Variants in NEMF observed in about 807,000 individuals in gnomAD.
NEMF encodes the protein nuclear export mediator factor.
A neutral mutation model predicts 162.2 loss-of-function variants in NEMF; 89 were observed. The observed-to-expected ratio is 0.55, with a 90% CI of 0.46 to 0.65. The LOEUF is 0.65. Among genes scored for constraint, NEMF ranks in the 30% least tolerant of loss-of-function variants. The pLI, the probability that NEMF is intolerant of heterozygous loss-of-function variation, is 0.00. For missense variants in NEMF, 1,133 were observed against 1,261.9 expected, an observed-to-expected ratio of 0.90 and a Z score of 1.55; for synonymous variants, 421 against 404.5, an observed-to-expected ratio of 1.04 and a Z score of -0.49.
intron 16 of NEMF, among the ~76,000 whole-genome samples, chr14:49,818,762 A>G (rs1486470765): frequency 6.6e-6 from 1 of 152,024 alleles, no homozygotes; most frequent in East Asian, 1.9e-4. Context: ...CTCTCAGCCT[A>G]TTATTTCCAC....
chr14:49,842,678 G>C (rs547288997), intron 4 of NEMF, among the ~76,000 whole-genome samples: 8 of 152,356 alleles, frequency 5.3e-5, no homozygotes, highest in African/African-American at 1.9e-4. Flanking sequence ...ACGTTGGTTA[G>C]AGAGATAGAT....
intron 16 of NEMF, among the ~76,000 whole-genome samples, chr14:49,817,596 G>A (rs571759470): frequency 1.3e-5 from 2 of 152,224 alleles, no homozygotes; most frequent in South Asian, 2.1e-4. Flanking sequence ...TTAGGAAGAC[G>A]TAACAGTTAT....
rs1594787161 is a variant in NEMF at position 49,832,222 on chromosome 14, A to T, written c.791T>A (p.Val264Asp). The T allele has an allele frequency of 2.5e-6, 4 of 1,610,526 alleles. No individual in the cohort carries two copies. In the African/African-American group the frequency reaches 4.0e-5, roughly 16 times the overall value. Reference sequence around the variant, plus strand: ...ATATGCTTACGTCAGTATGTCTTCAACTGGTTTATCTGCTTCCAAGCTTGG... The same window carrying T: ...ATATGCTTACGTCAGTATGTCTTCATCTGGTTTATCTGCTTCCAAGCTTGG... ...IKPSLEADKP[V>D]EDILTYEEFH... The change falls in exon 9 of 33, where the codon GTT becomes GAT. Residue 264 changes from valine to aspartate, a missense_variant. By Grantham distance (152) the Val-to-Asp change is radical. Transcript: ENST00000298310.
intron 6 of NEMF, among the ~76,000 whole-genome samples, chr14:49,835,260 T>C (rs1025287280): frequency 1.4e-5 from 2 of 146,676 alleles, no homozygotes; most frequent in African/African-American, 5.0e-5. Flanking sequence ...CTTAAAGAAA[T>C]TTGAAACTAC....
chr14:49,829,871 C>A (rs1021260199), intron 11 of NEMF, among the ~76,000 whole-genome samples: 2 of 152,114 alleles, frequency 1.3e-5, no homozygotes, highest in African/African-American at 4.8e-5. Context: ...TCCCAGAGTG[C>A]TGGGATTACA....
intron 4 of NEMF, among the ~76,000 whole-genome samples, chr14:49,842,866 C>T (rs1243111722): frequency 2.0e-5 from 3 of 152,100 alleles, no homozygotes; most frequent in African/African-American, 2.4e-5. Flanking sequence ...ACTAGCTGGG[C>T]GTGGTGGCAG....
chr14:49,804,120 T>C (rs1891079604), intron 19 of NEMF, among the ~76,000 whole-genome samples: 1 of 151,162 alleles, frequency 6.6e-6, no homozygotes, highest in Non-Finnish European at 1.5e-5. Context: ...TTCTCCTGCC[T>C]CAGCCTCCCA....
intron 3 of NEMF, among the ~76,000 whole-genome samples, chr14:49,846,521 A>C (rs974695738): frequency 3.9e-5 from 6 of 152,264 alleles, no homozygotes; most frequent in Admixed American, 3.3e-4. Context: ...ACTGGAGCCC[A>C]GTGGTGTGAT....
At chr14:49,836,255 G>A (rs967045989) in intron 6 of NEMF, among the ~76,000 whole-genome samples, 21 of 152,126 alleles carry the variant, frequency 1.4e-4, no homozygotes, top group African/African-American at 5.1e-4. Flanking sequence ...CTCCAGCCTG[G>A]GCAACAGAAT....
At chr14:49,830,259 T>C (rs986535156) in intron 11 of NEMF, among the ~76,000 whole-genome samples, 12 of 152,248 alleles carry the variant, frequency 7.9e-5, no homozygotes, top group African/African-American at 2.9e-4. Flanking sequence ...TTCAGTTTAC[T>C]AGCCAAAGTG....
At position 49,789,588 on chromosome 14, in the gene NEMF, G is replaced by A; in HGVS notation, c.2620-15C>T. 2.5e-6 allele frequency: 4 copies of A among 1,601,054 alleles called. No homozygotes were observed. Among genetic ancestry groups the A allele is most frequent in the Non-Finnish European group, 3.4e-6 (4 of 1,177,284 alleles). On this transcript the variant is annotated splice_polypyrimidine_tract_variant and intron_variant, in intron 26 of 32. Coordinates refer to ENST00000298310, the MANE Select transcript of NEMF (RefSeq NM_004713.6). ...TTCATTTTACTCTACAAAATCAGAA[G>A]ATTTTGGTTGGAAATATTCAGCAGC...
chr14:49,838,287 G>C, intron 5 of NEMF, 81 bp from the exon 6 acceptor site: 2 of 1,102,910 alleles, frequency 1.8e-6, no homozygotes, highest in East Asian at 2.4e-5. Context: ...ACTTTCATCT[G>C]TATCAGTTCA....
chr14:49,823,829 AAATAT>A (rs1479751160), intron 16 of NEMF, among the ~76,000 whole-genome samples: 1 of 152,224 alleles, frequency 6.6e-6, no homozygotes, highest in East Asian at 1.9e-4. Flanking sequence ...GGGAGGGGAG[AAATAT>A]CTACAAGCTT....
chr14:49,832,234 GC>G lies in NEMF; in HGVS notation c.778del (p.Ala260GlnfsTer9), dbSNP rs1892676812. The G allele has an allele frequency of 6.2e-7, 1 of 1,609,850 alleles. No individual in the cohort carries two copies. Among genetic ancestry groups the G allele is most frequent in the African/African-American group, 1.3e-5 (1 of 74,714 alleles). On this transcript the variant is annotated frameshift_variant, in exon 9 of 33. Coordinates refer to ENST00000298310, the MANE Select transcript of NEMF (RefSeq NM_004713.6). LOFTEE classifies it high-confidence loss of function. ...CAGTATGTCTTCAACTGGTTTATCTGCTTCCAAGCTTGGTTTTATTTCTCTT... is the reference window on the plus strand; with the variant it reads ...CAGTATGTCTTCAACTGGTTTATCTGTTCCAAGCTTGGTTTTATTTCTCTT... ...QKREIKPSLEADKPVEDILTY... is the reference protein window; with the variant it reads ...QKREIKPSLEXDKPVEDILTY...
chr14:49,835,218 C>CAAAAAAAA (rs55826615), intron 6 of NEMF, among the ~76,000 whole-genome samples: 4 of 132,940 alleles, frequency 3.0e-5, no homozygotes, highest in Non-Finnish European at 4.7e-5. Context: ...ACCCCGCAAC[C>CAAAAAAAA]AAAAAAAAAA....
At position 49,783,050 on chromosome 14, in the gene NEMF, G is replaced by C. The variant is rs545587863; in HGVS notation, c.*1586C>G. 7.7e-7 allele frequency: 1 copy of C among 1,304,766 alleles called. No homozygotes were observed. Among genetic ancestry groups the C allele is most frequent in the African/African-American group, 1.5e-5 (1 of 67,130 alleles). The allele number at this position is 1,304,766 out of a possible 1,614,324, so 80.8% of individuals were successfully genotyped here. A position where few individuals can be genotyped will look rare whatever the true frequency, so the allele number is the denominator to read the frequency against. On this transcript the variant is annotated 3_prime_UTR_variant, in exon 33 of 33. Transcript: ENST00000298310. ...TTGTATAATTATATGCATTGTTGTA[G>C]TTTGCACCTGTTGGTTTTAATGTGC...
At chr14:49,808,469 C>T (rs922427068) in intron 18 of NEMF, among the ~76,000 whole-genome samples, 1 of 152,110 alleles carries the variant, frequency 6.6e-6, no homozygotes, top group East Asian at 1.9e-4. Flanking sequence ...GCCACCGTGC[C>T]GGGCTGAATT....
At chr14:49,818,607 T>C (rs1365800877) in intron 16 of NEMF, among the ~76,000 whole-genome samples, 1 of 152,180 alleles carries the variant, frequency 6.6e-6, no homozygotes, top group East Asian at 1.9e-4. Context: ...TCCTGTTCCA[T>C]TTCCTAACAG....
At chr14:49,805,215 A>C (rs1960932439) in intron 19 of NEMF, among the ~76,000 whole-genome samples, 1 of 152,198 alleles carries the variant, frequency 6.6e-6, no homozygotes, top group Admixed American at 6.5e-5. Flanking sequence ...AATGAAACTA[A>C]ATCTAAGGGA....
Sources: allele counts gnomAD v4.1 joint callset (sites outside exome capture counted in the v4.1 genomes callset), GRCh38; gene constraint gnomAD v4.1.1; transcripts MANE v1.5; gene names NCBI Gene and HGNC (gene_info 2026-07-23, HGNC 2026-07-21).